SPEF2: variants seen among roughly 807,000 people sequenced by gnomAD.
SPEF2 encodes sperm flagella and cilia-associated protein 2.
In SPEF2, 187 loss-of-function variants were observed where a neutral mutation model predicts 224.6. The ratio of observed to expected loss-of-function variants is 0.83; its 90% CI spans 0.74 to 0.94. The LOEUF (loss-of-function observed/expected upper bound fraction) is 0.94, where lower values mean the gene tolerates loss of function less well. Among genes scored for constraint, SPEF2 ranks in the 40% least tolerant of loss-of-function variants. The probability of loss-of-function intolerance (pLI) is 0.00; values close to 1 mark genes in which losing one functional copy is unlikely to be tolerated. For missense variants in SPEF2, 2,170 were observed against 2,135.6 expected, an observed-to-expected ratio of 1.02 and a Z score of -0.32; for synonymous variants, 715 against 707.3, an observed-to-expected ratio of 1.01 and a Z score of -0.17.
chr5:35,622,460 A>G (rs1011172689), intron 1 of SPEF2, among the ~76,000 whole-genome samples: 1 of 152,224 alleles, frequency 6.6e-6, no homozygotes, highest in Non-Finnish European at 1.5e-5. Context: ...TAGATCTGAA[A>G]AATAATCTTG....
chr5:35,810,419 G>T (rs1758462786), intron 36 of SPEF2, among the ~76,000 whole-genome samples: 1 of 151,998 alleles, frequency 6.6e-6, no homozygotes. Flanking sequence ...CACTATGTTG[G>T]CCAGGCTGGT....
intron 33 of SPEF2, 30 bp from the exon 34 acceptor site, chr5:35,799,938 T>C: frequency 1.9e-6 from 3 of 1,611,962 alleles, no homozygotes; most frequent in Non-Finnish European, 2.5e-6. Context: ...AGTGCACCCA[T>C]TTTATCTTTG....
chr5:35,647,886 G>A (rs1704875175), intron 5 of SPEF2, among the ~76,000 whole-genome samples: 1 of 98,438 alleles, frequency 1.0e-5, no homozygotes, highest in African/African-American at 4.4e-5. Flanking sequence ...ATTTCAGTAA[G>A]AGGCAATCTC....
chr5:35,790,991 C>G (rs181077075), intron 30 of SPEF2: 3 of 152,242 alleles, frequency 2.0e-5, no homozygotes, highest in Admixed American at 2.0e-4. Flanking sequence ...TTGTTTTGCC[C>G]CGTATCCATT....
rs1437875819 is a variant in SPEF2, at chr5:35,705,809, G to T, written c.2665+1G>T. 3.4e-6 allele frequency: 5 copies of T among 1,455,388 alleles called. No individual in the cohort carries two copies. Among genetic ancestry groups the T allele is most frequent in the Non-Finnish European group, 4.7e-6 (5 of 1,072,524 alleles). 90.2% of individuals were successfully genotyped at this position (1,455,388 alleles called of 1,614,324 possible). On this transcript the variant is annotated splice_donor_variant, in intron 18 of 36. Coordinates refer to ENST00000356031, the MANE Select transcript of SPEF2 (RefSeq NM_024867.4). LOFTEE classifies it high-confidence loss of function. The stretch of plus-strand genomic sequence containing the variant: ...GAAATAGCAAAAAAAAAGAATAAAG[G>T]TATTTACATTTGTTTATAGTTTTGA...
At chr5:35,783,173 T>C (rs933753765) in intron 30 of SPEF2, among the ~76,000 whole-genome samples, 3 of 152,206 alleles carry the variant, frequency 2.0e-5, no homozygotes, top group African/African-American at 7.2e-5. Context: ...AATAGCCAAT[T>C]TGGCATGGTC....
chr5:35,692,089 T>C (rs62351875), intron 11 of SPEF2, among the ~76,000 whole-genome samples: 115,202 of 151,884 alleles, frequency 0.76, 44,790 homozygotes, highest in African/African-American at 0.94. Context: ...TGAGCCACCG[T>C]GCCCAGCCTT....
At position 35,694,135 on chromosome 5, in the gene SPEF2, A is replaced by G. The variant is rs114201909; in HGVS notation, c.1900-153A>G. Among the ~76,000 whole-genome samples, 1,367 of 152,354 alleles carry G rather than the reference A, an allele frequency of 9.0e-3. 17 individuals carry two copies. Among genetic ancestry groups the G allele is most frequent in the African/African-American group, 0.032 (1,330 of 41,578 alleles). On this transcript the variant is annotated intron_variant, in intron 12 of 36. Transcript: ENST00000356031. ...TTTGTTTCTGGAAATAAGAATTTAG[A>G]ACTGAAACTTTAATCTCCTTTAAAA...
At position 35,628,444 on chromosome 5, in the gene SPEF2, A is replaced by G. The variant is rs781344630; in HGVS notation, c.59-16A>G. 13 of 1,560,986 alleles carry G rather than the reference A, an allele frequency of 8.3e-6. No homozygotes were observed. The highest frequency in any genetic ancestry group is 5.6e-5 in the South Asian group (5 of 89,748). On this transcript the variant is annotated splice_polypyrimidine_tract_variant and intron_variant, in intron 1 of 36. Coordinates refer to ENST00000356031, the MANE Select transcript of SPEF2 (RefSeq NM_024867.4). The stretch of plus-strand genomic sequence containing the variant: ...CATTGTATTCATGGTTTTTATCTCA[A>G]TGTTTTGAAACTCAGGTCCCAAGTC...
chr5:35,644,377 G>C lies in SPEF2; in HGVS notation c.437G>C (p.Arg146Pro). The change falls in exon 4 of 37, where the codon CGT becomes CCT. Residue 146 changes from arginine (R) to proline (P), a missense_variant. By Grantham distance (103) the Arg-to-Pro change is moderately radical. Coordinates refer to ENST00000356031, the MANE Select transcript of SPEF2 (RefSeq NM_024867.4). ...FQERLRHMIP[R>P]QTDFNLMRIT... The stretch of plus-strand genomic sequence containing the variant: ...TAGAGACTTAGACACATGATACCAC[G>C]TCAAACTGATTTCAATCTGATGCGG... 1.3e-6 allele frequency: 2 copies of C among 1,595,070 alleles called. No homozygotes were observed. Among genetic ancestry groups the C allele is most frequent in the South Asian group, 2.3e-5 (2 of 86,918 alleles).
Position 35,641,601 on chromosome 5 carries a change from G to T in SPEF2, c.332G>T (p.Gly111Val), listed in dbSNP as rs1170296577. Residue 111 changes from glycine to valine, a missense_variant, in exon 3 of 37, where the codon GGA becomes GTA. Physicochemically the swap from Gly to Val is moderately radical, Grantham distance 109 (BLOSUM62 -3). Transcript: ENST00000356031. The stretch of plus-strand genomic sequence containing the variant: ...GCTCTTCAGAAAAAGAAGAAAAGTG[G>T]ACTGACTGGAGTGGAGATGCAAACC... ...YIALQKKKKS[G>V]LTGVEMQTMQ... The T allele has an allele frequency of 6.2e-7, 1 of 1,613,684 alleles. No homozygotes were observed. The highest frequency in any genetic ancestry group is 1.1e-5 in the South Asian group (1 of 91,066).
At position 35,814,563 on chromosome 5, in the gene SPEF2, A is replaced by G; in HGVS notation, c.*10A>G. 1 of 1,562,588 alleles carries G rather than the reference A, an allele frequency of 6.4e-7. No homozygotes were observed. The highest frequency in any genetic ancestry group is 2.3e-5 in the East Asian group (1 of 43,778). ...AGAGGAAAAGAAATGAAGACAAAAG[A>G]GTGTGATTTTTTTAATTCTGCAATA... On this transcript the variant is annotated 3_prime_UTR_variant, in exon 37 of 37. Coordinates refer to ENST00000356031, the MANE Select transcript of SPEF2 (RefSeq NM_024867.4).
chr5:35,699,332 A>G (rs951674447), intron 15 of SPEF2: 2 of 152,240 alleles, frequency 1.3e-5, no homozygotes, highest in African/African-American at 4.8e-5. Context: ...AGGGCTTAGA[A>G]GAACAAAGTC....
chr5:35,804,562 T>C (rs572526959), intron 34 of SPEF2, among the ~76,000 whole-genome samples: 1 of 152,236 alleles, frequency 6.6e-6, no homozygotes, highest in South Asian at 2.1e-4. Context: ...TCTCTCTCCC[T>C]TCCTTCCCCT....
At chr5:35,805,365 G>A (rs1368664621) in intron 34 of SPEF2, among the ~76,000 whole-genome samples, 1 of 152,044 alleles carries the variant, frequency 6.6e-6, no homozygotes, top group African/African-American at 2.4e-5. Flanking sequence ...ACTACCAGAG[G>A]CTTAATTTTA....
At position 35,773,513 on chromosome 5, in the gene SPEF2, C is replaced by G. The variant is rs1254333385; in HGVS notation, c.3950-380C>G. Among the ~76,000 whole-genome samples the G allele has an allele frequency of 2.6e-5, 4 of 152,114 alleles. 1 individual carries two copies. In the East Asian group the frequency reaches 7.7e-4, roughly 29 times the overall value. On this transcript the variant is annotated intron_variant, in intron 27 of 36. Transcript: ENST00000356031. Reference sequence around the variant, plus strand: ...GAAACACTTTGCTAATAGAAGTTATCCCTTATGGAGTGGTAATTCTGCAGG... The same window carrying G: ...GAAACACTTTGCTAATAGAAGTTATGCCTTATGGAGTGGTAATTCTGCAGG...
At chr5:35,684,358 C>T (rs370835563) in intron 10 of SPEF2, among the ~76,000 whole-genome samples, 7 of 152,176 alleles carry the variant, frequency 4.6e-5, no homozygotes, top group African/African-American at 1.7e-4. Flanking sequence ...AGTGATTCTG[C>T]TCAGTGTGTT....
intron 29 of SPEF2, 37 bp downstream of exon 29, chr5:35,776,432 TGTATTCTAA>T: frequency 6.4e-7 from 1 of 1,570,836 alleles, no homozygotes; most frequent in Non-Finnish European, 8.6e-7. Context: ...ATATGCTTTG[TGTATTCTAA>T]GTACCAAAAT....
At chr5:35,623,323 G>GT (rs1743784416) in intron 1 of SPEF2, among the ~76,000 whole-genome samples, 1 of 152,056 alleles carries the variant, frequency 6.6e-6, no homozygotes, top group Non-Finnish European at 1.5e-5. Flanking sequence ...GTTTGTTTTT[G>GT]TTTTTTATCT....
Sources: gnomAD v4.1 joint callset for allele counts (sites outside exome capture counted in the v4.1 genomes callset) on GRCh38, gnomAD v4.1.1 for gene constraint, MANE v1.5 for transcripts, NCBI Gene and HGNC (gene_info 2026-07-23, HGNC 2026-07-21) for gene names.